Variants in SOBP observed in about 807,000 individuals in gnomAD.
SOBP encodes the protein sine oculis-binding protein homolog.
Under a neutral mutation model 53.6 loss-of-function variants are expected in SOBP, and 4 were observed. The observed-to-expected ratio is 0.07, with a 90% confidence interval of 0.04 to 0.17. The LOEUF is 0.17. SOBP is among the 10% of genes least tolerant of loss of function. The probability of loss-of-function intolerance (pLI) is 1.00; values close to 1 mark genes in which losing one functional copy is unlikely to be tolerated. For missense variants in SOBP, 1,088 were observed against 1,204.7 expected (o/e 0.90, Z 1.43); for synonymous variants, 584 against 522.6 (o/e 1.12, Z -1.60).
At chr6:107,642,258 G>C (rs1205110473) in intron 6 of SOBP, among the ~76,000 whole-genome samples, 1 of 151,746 alleles carries the variant, frequency 6.6e-6, no homozygotes. Context: ...AAAAAAAATA[G>C]GGTGGGGTCA....
intron 4 of SOBP, among the ~76,000 whole-genome samples, chr6:107,577,553 C>T (rs1224974879): frequency 1.3e-5 from 2 of 152,212 alleles, no homozygotes; most frequent in African/African-American, 4.8e-5. Context: ...GCCAGGAATA[C>T]AGGAGACAAG....
chr6:107,597,942 T>G (rs958295350), intron 5 of SOBP, among the ~76,000 whole-genome samples: 1 of 152,230 alleles, frequency 6.6e-6, no homozygotes, highest in Non-Finnish European at 1.5e-5. Context: ...TTTAATGTCA[T>G]GGACACATCC....
At chr6:107,570,328 C>T (rs1219799446) in intron 4 of SOBP, among the ~76,000 whole-genome samples, 1 of 152,198 alleles carries the variant, frequency 6.6e-6, no homozygotes, top group African/African-American at 2.4e-5. Flanking sequence ...ACTTTTCACT[C>T]ACCTCTTTGA....
At chr6:107,519,339 C>T (rs926335634) in intron 3 of SOBP, among the ~76,000 whole-genome samples, 2 of 151,146 alleles carry the variant, frequency 1.3e-5, no homozygotes, top group African/African-American at 2.4e-5. Flanking sequence ...AATTATCCAG[C>T]TGAAAATATT....
chr6:107,583,393 AG>A (rs1451787346), intron 4 of SOBP, among the ~76,000 whole-genome samples: 1 of 152,192 alleles, frequency 6.6e-6, no homozygotes, highest in Non-Finnish European at 1.5e-5. Context: ...TTGGATAGAG[AG>A]GTTTGGGAAG....
intron 5 of SOBP, among the ~76,000 whole-genome samples, chr6:107,616,509 C>T (rs1165596103): frequency 1.3e-5 from 2 of 152,178 alleles, no homozygotes. Flanking sequence ...CAGCTGGGGA[C>T]TTTTCTATTA....
At chr6:107,572,012 C>T (rs931967265) in intron 4 of SOBP, among the ~76,000 whole-genome samples, 77 of 152,198 alleles carry the variant, frequency 5.1e-4, no homozygotes, top group African/African-American at 1.7e-3. Flanking sequence ...TGAAATAAAT[C>T]GGTAAAATAA....
chr6:107,569,637 G>T (rs1346587829), intron 4 of SOBP, among the ~76,000 whole-genome samples: 1 of 152,214 alleles, frequency 6.6e-6, no homozygotes. Flanking sequence ...TTCCCAATTT[G>T]CAAGCGTTTG....
chr6:107,633,052 A>G (rs557475429), intron 5 of SOBP, among the ~76,000 whole-genome samples: 6 of 152,318 alleles, frequency 3.9e-5, no homozygotes, highest in African/African-American at 1.2e-4. Flanking sequence ...GCATTATCAA[A>G]CATAGTCAAC....
In SOBP at chr6:107,490,552, C is replaced by T. The variant is rs1782551510; in HGVS notation, c.-65C>T. The T allele has an allele frequency of 4.0e-6, 5 of 1,249,472 alleles. No individual in the cohort carries two copies. The highest frequency in any genetic ancestry group is 3.8e-5 in the South Asian group (3 of 78,572). The allele number at this position is 1,249,472 out of a possible 1,614,324, so 77.4% of individuals were successfully genotyped here. A position where few individuals can be genotyped will look rare whatever the true frequency, so the allele number is the denominator to read the frequency against. Reference sequence around the variant, plus strand: ...AGCACCACCTCCACCGCCGCCGCCGCCGCCACCACCACCGCCGGCGGCGGC... The same window carrying T: ...AGCACCACCTCCACCGCCGCCGCCGTCGCCACCACCACCGCCGGCGGCGGC... On this transcript the variant is annotated 5_prime_UTR_variant, in exon 1 of 7. Transcript: ENST00000317357.
Position 107,516,079 on chromosome 6 carries a change from A to G in SOBP, c.421+9652A>G, listed in dbSNP as rs75564835. ...AGAATAGAACTTCCTTAATCTGTCC[A>G]AAGGTTATCAACAGAACACTCCACA... On this transcript the variant is annotated intron_variant, in intron 3 of 6. Coordinates refer to ENST00000317357, the MANE Select transcript of SOBP (RefSeq NM_018013.4). Among the ~76,000 whole-genome samples the G allele has an allele frequency of 3.7e-3, 558 of 152,326 alleles. 4 individuals carry two copies. Among genetic ancestry groups the G allele is most frequent in the African/African-American group, 0.013 (528 of 41,576 alleles).
Position 107,634,504 on chromosome 6 carries a change from G to A in SOBP, c.1660G>A (p.Gly554Arg). ...CGTCAGCGACTCCAAGCCCCCCAAC[G>A]GGTTCTCCAGCAACGGGGAGAACTT... is the stretch of plus-strand genomic sequence containing the variant. The part of the protein sequence containing the change: ...PHVSDSKPPN[G>R]FSSNGENFIP... The change falls in exon 6 of 7, where the codon GGG (glycine) becomes AGG (arginine). Residue 554 changes from glycine (G) to arginine (R), a missense_variant. Physicochemically the swap from Gly to Arg is moderately radical, Grantham distance 125 (BLOSUM62 -2). Around this residue, in one of 6 missense-constraint regions of SOBP, gnomAD observed 665 missense variants for 629.7 expected, o/e 1.06. Coordinates refer to ENST00000317357, the MANE Select transcript of SOBP (RefSeq NM_018013.4). The surrounding 1 kb of genome is among the most constrained non-coding windows in gnomAD (Gnocchi z 4.5). The A allele has an allele frequency of 6.2e-7, 1 of 1,611,180 alleles. No individual in the cohort carries two copies. Among genetic ancestry groups the A allele is most frequent in the South Asian group, 1.1e-5 (1 of 91,060 alleles).
chr6:107,542,435 G>A (rs972048475), intron 4 of SOBP, among the ~76,000 whole-genome samples: 2 of 152,182 alleles, frequency 1.3e-5, no homozygotes, highest in Non-Finnish European at 2.9e-5. Context: ...AATGACGTAG[G>A]CTGGAGAGGC....
chr6:107,518,341 C>A (rs59140650), intron 3 of SOBP, among the ~76,000 whole-genome samples: 1 of 152,010 alleles, frequency 6.6e-6, no homozygotes, highest in African/African-American at 2.4e-5. Flanking sequence ...ATTGACAATA[C>A]CAAGTTTGAG....
chr6:107,650,173 A>G (rs1365349083), intron 6 of SOBP, among the ~76,000 whole-genome samples: 1 of 152,190 alleles, frequency 6.6e-6, no homozygotes, highest in Non-Finnish European at 1.5e-5. Context: ...TTTTTATTTT[A>G]TTTTTAGTAC....
At chr6:107,637,966 T>C (rs1771123161) in intron 6 of SOBP, among the ~76,000 whole-genome samples, 1 of 152,248 alleles carries the variant, frequency 6.6e-6, no homozygotes, top group Non-Finnish European at 1.5e-5. Context: ...GTTCTTTCAA[T>C]GATGGGTCCC....
At chr6:107,612,931 T>A (rs1583272866) in intron 5 of SOBP, among the ~76,000 whole-genome samples, 1 of 152,244 alleles carries the variant, frequency 6.6e-6, no homozygotes, top group African/African-American at 2.4e-5. Flanking sequence ...TCGATACTTT[T>A]TATGGCTGAA....
intron 5 of SOBP, among the ~76,000 whole-genome samples, chr6:107,621,385 C>A (rs751818175): frequency 2.4e-4 from 36 of 152,154 alleles, no homozygotes; most frequent in Admixed American, 1.0e-3. Flanking sequence ...AGCAGGATGG[C>A]TAAATTCACA....
At chr6:107,609,001 G>A (rs1445865565) in intron 5 of SOBP, among the ~76,000 whole-genome samples, 2 of 152,042 alleles carry the variant, frequency 1.3e-5, no homozygotes, top group Non-Finnish European at 2.9e-5. Context: ...AAAAATCTAG[G>A]GAGTGTCATC....
Sources: gnomAD v4.1 joint callset for allele counts (sites outside exome capture counted in the v4.1 genomes callset) on GRCh38, gnomAD v4.1.1 for gene constraint, gnomAD v4.1.1 regional missense constraint, Gnocchi (gnomAD v3.1) non-coding constraint, MANE v1.5 for transcripts, NCBI Gene and HGNC (gene_info 2026-07-23, HGNC 2026-07-21) for gene names.